The following SEMA3D variants were observed in gnomAD, a reference collection of about 807,000 sequenced individuals.
SEMA3D encodes the protein semaphorin 3D.
SEMA3D carries 84 observed loss-of-function variants against 100.1 expected under a neutral mutation model. The observed-to-expected ratio is 0.84, with a 90% CI of 0.70 to 1.01. The LOEUF (loss-of-function observed/expected upper bound fraction) is 1.01, where lower values mean the gene tolerates loss of function less well. SEMA3D is among the 50% of genes least tolerant of loss of function. The pLI, the probability that SEMA3D is intolerant of heterozygous loss-of-function variation, is 0.00. For missense variants in SEMA3D, 875 were observed against 934.1 expected (o/e 0.94, Z 0.82); for synonymous variants, 312 against 320.7 (o/e 0.97, Z 0.29).
chr7:85,046,043 T>C (rs1033175666), intron 9 of SEMA3D, among the ~76,000 whole-genome samples: 8 of 152,012 alleles, frequency 5.3e-5, no homozygotes, highest in African/African-American at 1.9e-4. Context: ...TAAACAAACA[T>C]ATCAGTGATC....
chr7:85,089,028 T>C (rs1788302528), intron 4 of SEMA3D, among the ~76,000 whole-genome samples: 1 of 152,118 alleles, frequency 6.6e-6, no homozygotes, highest in Admixed American at 6.5e-5. Context: ...GTTTGAGACC[T>C]TTTTCCAGGT....
intron 1 of SEMA3D, among the ~76,000 whole-genome samples, chr7:85,156,181 C>A (rs1583975079): frequency 6.6e-6 from 1 of 151,166 alleles, no homozygotes; most frequent in African/African-American, 2.4e-5. Context: ...CGGCTCACTG[C>A]AACCTCCACC....
chr7:85,231,717 T>C, the SEMA3D span, among the ~76,000 whole-genome samples: 1 of 152,128 alleles, frequency 6.6e-6, no homozygotes, highest in African/African-American at 2.4e-5. Flanking sequence ...CCCAAAGTGC[T>C]GGGATTATAG....
At chr7:85,187,679 T>C (rs990432442), upstream of SEMA3D, among the ~76,000 whole-genome samples, 2 of 152,178 alleles carry the variant, frequency 1.3e-5, no homozygotes, top group African/African-American at 2.4e-5. Flanking sequence ...CAGTAGGAAC[T>C]TAGAAGTATA....
chr7:85,001,841 A>G (rs1344415810), intron 18 of SEMA3D, among the ~76,000 whole-genome samples: 1 of 152,130 alleles, frequency 6.6e-6, no homozygotes. Context: ...CTTAATAGAA[A>G]ATGGCCTGAG....
chr7:85,097,887 T>A lies in SEMA3D; in HGVS notation c.230A>T (p.Glu77Val), dbSNP rs1205002547. 1 of 1,609,548 alleles carries A rather than the reference T, an allele frequency of 6.2e-7. No individual in the cohort carries two copies. Among genetic ancestry groups the A allele is most frequent in the Admixed American group, 1.7e-5 (1 of 59,800 alleles). The change falls in exon 4 of 19, where the codon GAG (glutamate) becomes GTG (valine). Residue 77 changes from glutamate (E) to valine (V), a missense_variant. Glu to Val is a moderately radical substitution (Grantham distance 121, BLOSUM62 -2). Coordinates refer to ENST00000284136, the MANE Select transcript of SEMA3D (RefSeq NM_001384900.1). ...GLDFQTLLLD[E>V]ERGRLLLGAK... is the part of the protein sequence containing the mutation. Reference sequence around the variant, plus strand: ...TCCCAAGAGCAGCCTGCCTCTTTCCTCATCTAAGAGAAGAGTTTGAAAATC... The same window carrying A: ...TCCCAAGAGCAGCCTGCCTCTTTCCACATCTAAGAGAAGAGTTTGAAAATC...
intron 3 of SEMA3D, among the ~76,000 whole-genome samples, chr7:85,119,394 G>A (rs1789342206): frequency 6.6e-6 from 1 of 152,158 alleles, no homozygotes; most frequent in Non-Finnish European, 1.5e-5. Context: ...ACTGGATAAA[G>A]AAAATGTGGT....
At chr7:85,073,127 T>C in intron 5 of SEMA3D, 46 bp from the exon 6 acceptor site, 2 of 1,580,158 alleles carry the variant, frequency 1.3e-6, no homozygotes, top group East Asian at 2.2e-5. Flanking sequence ...ATTCAGGTTT[T>C]TGAAATATTA....
chr7:85,089,998 G>A (rs1009289047), intron 4 of SEMA3D, among the ~76,000 whole-genome samples: 1 of 152,072 alleles, frequency 6.6e-6, no homozygotes, highest in Non-Finnish European at 1.5e-5. Context: ...TCCACAAATG[G>A]TCAGTAATTT....
At chr7:85,053,655 T>C (rs954404059) in intron 9 of SEMA3D, among the ~76,000 whole-genome samples, 1 of 151,980 alleles carries the variant, frequency 6.6e-6, no homozygotes, top group Non-Finnish European at 1.5e-5. Flanking sequence ...ATGGGCAGCA[T>C]GTGATGCAAC....
chr7:85,238,809 T>A, the SEMA3D span, among the ~76,000 whole-genome samples: 2 of 152,208 alleles, frequency 1.3e-5, no homozygotes, highest in Non-Finnish European at 2.9e-5. Flanking sequence ...CAATATTGAG[T>A]CTTCCTGCAC....
chr7:85,102,065 G>A (rs1448988233), intron 3 of SEMA3D, among the ~76,000 whole-genome samples: 4 of 151,992 alleles, frequency 2.6e-5, no homozygotes, highest in African/African-American at 7.2e-5. Context: ...TCACAGATCA[G>A]TGTGGAACCA....
At chr7:85,138,616 A>G (rs1789934332) in intron 2 of SEMA3D, among the ~76,000 whole-genome samples, 1 of 145,374 alleles carries the variant, frequency 6.9e-6, no homozygotes, top group South Asian at 2.1e-4. Flanking sequence ...TATAATATAT[A>G]ATTTATAATA....
the SEMA3D span, among the ~76,000 whole-genome samples, chr7:85,213,505 T>A: frequency 6.6e-6 from 1 of 152,034 alleles, no homozygotes; most frequent in Non-Finnish European, 1.5e-5. Context: ...TATTGATTGA[T>A]TACTTACTTG....
intron 1 of SEMA3D, chr7:85,157,654 C>T: frequency 7.1e-6 from 7 of 983,438 alleles, no homozygotes; most frequent in Non-Finnish European, 8.5e-6. Flanking sequence ...CATACATCAA[C>T]ATTGTTTGGG....
intron 4 of SEMA3D, among the ~76,000 whole-genome samples, chr7:85,090,008 T>G (rs1398408352): frequency 6.6e-6 from 1 of 152,176 alleles, no homozygotes; most frequent in Non-Finnish European, 1.5e-5. Context: ...GTCAGTAATT[T>G]AGAACCTGTG....
intron 1 of SEMA3D, among the ~76,000 whole-genome samples, chr7:85,159,267 CA>C (rs376452575): frequency 1.5e-4 from 23 of 152,178 alleles, no homozygotes; most frequent in African/African-American, 5.3e-4. Flanking sequence ...TTCATTGCAG[CA>C]AGTCAAAGAG....
intron 1 of SEMA3D, chr7:85,163,105 A>G (rs1371245380): frequency 2.3e-6 from 1 of 435,154 alleles, no homozygotes; most frequent in Non-Finnish European, 3.1e-6. Flanking sequence ...GAATACAAAG[A>G]AAAGAAAAAA....
intron 18 of SEMA3D, among the ~76,000 whole-genome samples, chr7:85,000,507 C>CCTA (rs1789627384): frequency 6.6e-6 from 1 of 152,050 alleles, no homozygotes; most frequent in Admixed American, 6.6e-5. Context: ...TGAGTAGGAC[C>CCTA]CTAGTCAGAA....
Sources: gnomAD v4.1 joint callset for allele counts (sites outside exome capture counted in the v4.1 genomes callset) on GRCh38, gnomAD v4.1.1 for gene constraint, MANE v1.5 for transcripts, NCBI Gene and HGNC (gene_info 2026-07-23, HGNC 2026-07-21) for gene names.